The following PAX5 variants were observed in gnomAD, a reference collection of about 807,000 sequenced individuals.
PAX5 encodes paired box 5.
A neutral mutation model predicts 43.7 loss-of-function variants in PAX5; 9 were observed. The ratio of observed to expected loss-of-function variants is 0.21; its 90% CI spans 0.12 to 0.36. The LOEUF is 0.36. Ranked by LOEUF, PAX5 falls within the 10% of genes least tolerant of loss-of-function variation. The probability of loss-of-function intolerance (pLI) is 1.00; values close to 1 mark genes in which losing one functional copy is unlikely to be tolerated. For synonymous variants in PAX5, 228 were observed against 214.3 expected (o/e 1.06, Z -0.56); for missense variants, 383 against 532.7 (o/e 0.72, Z 2.77).
intron 6 of PAX5, among the ~76,000 whole-genome samples, chr9:36,931,950 G>A (rs1269256080): frequency 6.6e-6 from 1 of 152,054 alleles, no homozygotes; most frequent in East Asian, 1.9e-4. Context: ...TAACTTTGTG[G>A]ATGTGATAGT....
At chr9:36,869,855 G>GATGGATGGATGGATGGATGGATAA (rs1825264976) in intron 8 of PAX5, among the ~76,000 whole-genome samples, 1 of 149,898 alleles carries the variant, frequency 6.7e-6, no homozygotes, top group African/African-American at 2.5e-5. Flanking sequence ...TAAATGGATG[G>GATGGATGGATGGATGGATGGATAA]ATGGATGGAT....
At chr9:36,857,369 G>A (rs1164711989) in intron 8 of PAX5, among the ~76,000 whole-genome samples, 1 of 152,192 alleles carries the variant, frequency 6.6e-6, no homozygotes, top group Non-Finnish European at 1.5e-5. Flanking sequence ...AGCATCCACT[G>A]TGGTCCTACT....
At chr9:37,002,520 G>T in intron 5 of PAX5, 128 bp downstream of exon 5, 2 of 962,666 alleles carry the variant, frequency 2.1e-6, no homozygotes, top group African/African-American at 1.6e-5. Flanking sequence ...CAGCGTGCGG[G>T]CCGGGGGACT....
At chr9:36,846,746 C>T (rs1231795076) in intron 9 of PAX5, 97 bp downstream of exon 9, 2 of 804,248 alleles carry the variant, frequency 2.5e-6, no homozygotes, top group Non-Finnish European at 4.1e-6. Flanking sequence ...ACCTCAGTGA[C>T]CAGACCTCAG....
chr9:36,988,967 T>C (rs1230242212), intron 5 of PAX5, among the ~76,000 whole-genome samples: 2 of 152,188 alleles, frequency 1.3e-5, no homozygotes, highest in Non-Finnish European at 2.9e-5. Flanking sequence ...AAGCTCACAC[T>C]GCTAGTAAAA....
rs145914414 is a variant in PAX5 at position 36,950,656 on chromosome 9, C to T, written c.780+15893G>A. On this transcript the variant is annotated intron_variant, in intron 6 of 9. Coordinates refer to ENST00000358127, the MANE Select transcript of PAX5 (RefSeq NM_016734.3). ...ATCCTGGGTCTGCCCCTTGGAACTA[C>T]GAAGAAGTCTGCTTCTGTTCCTTCT... 1.9e-3 allele frequency among the ~76,000 whole-genome samples: 290 copies of T among 152,116 alleles called. 2 individuals carry two copies. The highest frequency in any genetic ancestry group is 6.4e-3 in the African/African-American group (267 of 41,508).
intron 6 of PAX5, chr9:36,930,981 G>T (rs989474565): frequency 3.4e-6 from 2 of 582,448 alleles, no homozygotes; most frequent in Non-Finnish European, 5.9e-6. Flanking sequence ...ACACAGACAC[G>T]TGAGAAGGAG....
In PAX5 at chr9:36,931,799, C is replaced by T. The variant is rs139847104; in HGVS notation, c.781-8315G>A. On this transcript the variant is annotated intron_variant, in intron 6 of 9. Transcript: ENST00000358127. ...AGGAGGCGGAGGCTGCACACTGAGC[C>T]GAGATCGAGCCACTGCATTCCAGCC... 1.1e-3 allele frequency among the ~76,000 whole-genome samples: 164 copies of T among 149,158 alleles called. 2 individuals carry two copies. In the East Asian group the frequency reaches 0.025, roughly 22 times the overall value.
intron 7 of PAX5, among the ~76,000 whole-genome samples, chr9:36,905,927 T>G (rs1828781489): frequency 6.6e-6 from 1 of 152,094 alleles, no homozygotes. Context: ...GTCTCTTGAC[T>G]CTAGGGAGGG....
chr9:36,922,160 G>A (rs1336856956), intron 7 of PAX5, among the ~76,000 whole-genome samples: 1 of 152,156 alleles, frequency 6.6e-6, no homozygotes, highest in Non-Finnish European at 1.5e-5. Context: ...TTCAGCCCAG[G>A]TCTCGGAGCT....
At chr9:36,889,329 G>A (rs1230068560) in intron 7 of PAX5, among the ~76,000 whole-genome samples, 1 of 152,236 alleles carries the variant, frequency 6.6e-6, no homozygotes, top group East Asian at 1.9e-4. Flanking sequence ...AGGTTGCACG[G>A]CTGATAATAA....
chr9:36,951,777 T>C (rs181724206), intron 6 of PAX5, among the ~76,000 whole-genome samples: 2 of 152,344 alleles, frequency 1.3e-5, no homozygotes, highest in East Asian at 1.9e-4. Flanking sequence ...TCCCTTACCT[T>C]CTATTGGATC....
chr9:36,863,485 C>T (rs1193311471), intron 8 of PAX5, among the ~76,000 whole-genome samples: 1 of 152,186 alleles, frequency 6.6e-6, no homozygotes. Context: ...GGGCACAAAT[C>T]ATCTGTCAGG....
At chr9:36,955,863 A>G (rs1213212428) in intron 6 of PAX5, among the ~76,000 whole-genome samples, 3 of 151,884 alleles carry the variant, frequency 2.0e-5, no homozygotes, top group Non-Finnish European at 4.4e-5. Context: ...TGTTTGCAAT[A>G]GGAGAGCCTA....
chr9:37,032,482 C>G (rs1841079435), intron 1 of PAX5, among the ~76,000 whole-genome samples: 1 of 152,190 alleles, frequency 6.6e-6, no homozygotes, highest in Admixed American at 6.5e-5. Flanking sequence ...TTCCAGGTAA[C>G]TTTTCCTGAG....
chr9:36,986,562 T>C (rs1159204336), intron 5 of PAX5, among the ~76,000 whole-genome samples: 1 of 152,022 alleles, frequency 6.6e-6, no homozygotes, highest in Non-Finnish European at 1.5e-5. Context: ...CTGAATTCAT[T>C]TCTCCTTCCA....
intron 5 of PAX5, among the ~76,000 whole-genome samples, chr9:36,988,404 T>A (rs1203164064): frequency 6.6e-6 from 1 of 152,204 alleles, no homozygotes; most frequent in African/African-American, 2.4e-5. Flanking sequence ...AGAAAGCCTG[T>A]AATCCTGGCA....
chr9:36,995,028 G>A (rs946596473), intron 5 of PAX5, among the ~76,000 whole-genome samples: 1 of 151,926 alleles, frequency 6.6e-6, no homozygotes, highest in African/African-American at 2.4e-5. Flanking sequence ...GGGACATGTA[G>A]ACACCTCTCT....
intron 7 of PAX5, among the ~76,000 whole-genome samples, chr9:36,886,737 T>G (rs1826937679): frequency 6.6e-6 from 1 of 152,216 alleles, no homozygotes; most frequent in Non-Finnish European, 1.5e-5. Context: ...TGAATGTTAT[T>G]GATGGCCTAT....
Sources: gnomAD v4.1 joint callset for allele counts (sites outside exome capture counted in the v4.1 genomes callset) on GRCh38, gnomAD v4.1.1 for gene constraint, MANE v1.5 for transcripts, NCBI Gene and HGNC (gene_info 2026-07-23, HGNC 2026-07-21) for gene names.